TLE4: variants seen among roughly 807,000 people sequenced by gnomAD.
TLE4 encodes TLE family member 4, transcriptional corepressor, also known as transducin-like enhancer protein 4.
In TLE4, 8 loss-of-function variants were observed where a neutral mutation model predicts 92.8. The observed-to-expected ratio is 0.09, with a 90% CI of 0.05 to 0.16. The LOEUF is 0.16. TLE4 is among the 10% of genes least tolerant of loss of function. The probability of loss-of-function intolerance (pLI) is 1.00; values close to 1 mark genes in which losing one functional copy is unlikely to be tolerated. For missense variants in TLE4, 675 were observed against 997.6 expected (o/e 0.68, Z 4.36); for synonymous variants, 371 against 374.1 (o/e 0.99, Z 0.10).
At chr9:79,628,886 G>A (rs1223626699) in intron 6 of TLE4, among the ~76,000 whole-genome samples, 2 of 150,822 alleles carry the variant, frequency 1.3e-5, no homozygotes, top group Non-Finnish European at 2.9e-5. Context: ...GTGTGTGTGT[G>A]TGTGTGTGTG....
intron 4 of TLE4, among the ~76,000 whole-genome samples, chr9:79,605,645 A>G (rs879925999): frequency 7.9e-5 from 12 of 152,052 alleles, no homozygotes; most frequent in Non-Finnish European, 1.6e-4. Flanking sequence ...GATAGACTGG[A>G]ATAGTACCAT....
chr9:79,574,849 T>TA, intron 2 of TLE4, 24 bp from the exon 3 acceptor site: 1 of 1,601,758 alleles, frequency 6.2e-7, no homozygotes, highest in Non-Finnish European at 8.5e-7. Context: ...TCATTGTACT[T>TA]AGAGTATCTT....
intron 8 of TLE4, among the ~76,000 whole-genome samples, chr9:79,688,794 G>T (rs1237367701): frequency 6.6e-6 from 1 of 152,000 alleles, no homozygotes; most frequent in Admixed American, 6.5e-5. Flanking sequence ...CTGAAGGAAG[G>T]TCAAAAATTC....
chr9:79,606,362 AGT>A lies in TLE4; in HGVS notation c.253-6283_253-6282del, dbSNP rs1230290741. On this transcript the variant is annotated intron_variant, in intron 4 of 19. Coordinates refer to ENST00000376552, the MANE Select transcript of TLE4 (RefSeq NM_007005.6). ...TTTTTTTTTAAGAATACCTAAGATT[AGT>A]GTGTGTGTGTTTTTTTTTTTTTTTT... Among the ~76,000 whole-genome samples, 923 of 122,442 alleles carry A rather than the reference AGT, an allele frequency of 7.5e-3. 24 individuals are homozygous for A. The highest frequency in any genetic ancestry group is 0.028 in the African/African-American group (858 of 30,306). 80.3% of individuals were successfully genotyped at this position (122,442 alleles called of 152,430 possible).
chr9:79,691,800 G>T lies in TLE4; in HGVS notation c.610-12983G>T, dbSNP rs370504943. On this transcript the variant is annotated intron_variant, in intron 8 of 19. Coordinates refer to ENST00000376552, the MANE Select transcript of TLE4 (RefSeq NM_007005.6). The stretch of plus-strand genomic sequence containing the variant: ...AGAAGCGTTTCCTGACCACCTGGCT[G>T]CTAGTTATTCTCAGTCTCAGCATCT... Among the ~76,000 whole-genome samples, 18 of 152,346 alleles carry T rather than the reference G, an allele frequency of 1.2e-4. No homozygotes were observed. In the South Asian group the frequency reaches 2.9e-3, roughly 25 times the overall value.
intron 8 of TLE4, among the ~76,000 whole-genome samples, chr9:79,695,911 A>G (rs959696144): frequency 6.6e-6 from 1 of 152,216 alleles, no homozygotes; most frequent in African/African-American, 2.4e-5. Flanking sequence ...AAATTTTCAG[A>G]TCAGATTGGA....
At chr9:79,717,456 A>T (rs2074740228) in intron 14 of TLE4, among the ~76,000 whole-genome samples, 1 of 152,024 alleles carries the variant, frequency 6.6e-6, no homozygotes, top group Non-Finnish European at 1.5e-5. Context: ...AGTCTCACAT[A>T]CTATGTTCTT....
At chr9:79,682,414 T>C (rs953273159) in intron 8 of TLE4, among the ~76,000 whole-genome samples, 6 of 152,194 alleles carry the variant, frequency 3.9e-5, no homozygotes, top group Non-Finnish European at 7.3e-5. Flanking sequence ...TTTCCTGACA[T>C]GCCTTTTCCA....
At chr9:79,616,855 T>C (rs1211179220) in intron 5 of TLE4, among the ~76,000 whole-genome samples, 1 of 152,124 alleles carries the variant, frequency 6.6e-6, no homozygotes, top group Non-Finnish European at 1.5e-5. Context: ...TTCTGCTAAT[T>C]TAGAATTGGG....
At chr9:79,709,373 C>T (rs1038612464) in intron 13 of TLE4, among the ~76,000 whole-genome samples, 2 of 152,116 alleles carry the variant, frequency 1.3e-5, no homozygotes, top group African/African-American at 4.8e-5. Context: ...AATGTAATGA[C>T]TCTTTGGTTC....
intron 8 of TLE4, among the ~76,000 whole-genome samples, chr9:79,658,212 G>C (rs980274718): frequency 6.6e-6 from 1 of 152,128 alleles, no homozygotes; most frequent in Admixed American, 6.5e-5. Context: ...AATGCCAAAT[G>C]CAATGTTTGA....
intron 4 of TLE4, among the ~76,000 whole-genome samples, chr9:79,587,941 T>C (rs1471669674): frequency 6.6e-6 from 1 of 152,194 alleles, no homozygotes; most frequent in Non-Finnish European, 1.5e-5. Flanking sequence ...GGGATCTGAT[T>C]ATCCTTATTG....
chr9:79,595,673 G>A (rs191376871), intron 4 of TLE4, among the ~76,000 whole-genome samples: 60 of 152,230 alleles, frequency 3.9e-4, no homozygotes, highest in Non-Finnish European at 6.6e-4. Context: ...TGGTCTGGAC[G>A]TATGTAGCAT....
intron 3 of TLE4, 94 bp from the exon 4 acceptor site, chr9:79,576,039 A>C: frequency 3.8e-6 from 3 of 797,134 alleles, no homozygotes; most frequent in Middle Eastern, 2.8e-4. Context: ...TGAGGCTTTT[A>C]TGTTTGTTTC....
chr9:79,705,110 T>C (rs753105186), intron 9 of TLE4, among the ~76,000 whole-genome samples: 13 of 152,238 alleles, frequency 8.5e-5, no homozygotes, highest in African/African-American at 1.7e-4. Flanking sequence ...GAATGCTTCA[T>C]TGGGCAGCTA....
intron 1 of TLE4, 89 bp downstream of exon 1, chr9:79,572,924 G>T: frequency 2.2e-6 from 3 of 1,383,346 alleles, no homozygotes; most frequent in Non-Finnish European, 2.0e-6. Context: ...CTTTTGGCCG[G>T]AGGGGCGTGG....
At position 79,600,400 on chromosome 9, in the gene TLE4, C is replaced by G. The variant is rs149162213; in HGVS notation, c.253-12256C>G. ...TTTCTCAGCCTGTCTCGGGTGGCTT[C>G]CCCCAGCCATTGAAGGAACTTGAGT... On this transcript the variant is annotated intron_variant, in intron 4 of 19. Transcript: ENST00000376552. 1.3e-4 allele frequency among the ~76,000 whole-genome samples: 20 copies of G among 152,076 alleles called. No individual in the cohort carries two copies. The East Asian group carries it at 3.9e-3, about 29-fold the overall frequency.
intron 4 of TLE4, 141 bp from the exon 5 acceptor site, chr9:79,612,515 G>A (rs2048592289): frequency 1.4e-6 from 1 of 712,350 alleles, no homozygotes; most frequent in African/African-American, 1.8e-5. Context: ...TGGGCTTACT[G>A]ATGAGATAGT....
intron 6 of TLE4, among the ~76,000 whole-genome samples, chr9:79,632,882 A>C (rs754915269): frequency 6.6e-6 from 1 of 152,202 alleles, no homozygotes; most frequent in Non-Finnish European, 1.5e-5. Flanking sequence ...TGTGTCGTGT[A>C]CACACACAGC....
Sources: gnomAD v4.1 joint callset for allele counts (sites outside exome capture counted in the v4.1 genomes callset) on GRCh38, gnomAD v4.1.1 for gene constraint, MANE v1.5 for transcripts, NCBI Gene and HGNC (gene_info 2026-07-23, HGNC 2026-07-21) for gene names.